Variants in KLHL29 observed in about 807,000 individuals in gnomAD.
The protein encoded by KLHL29 is kelch like family member 29.
Under a neutral mutation model 80.4 loss-of-function variants are expected in KLHL29, and 21 were observed. The observed-to-expected ratio is 0.26, with a 90% CI of 0.19 to 0.38. The LOEUF (loss-of-function observed/expected upper bound fraction) is 0.38, where lower values mean the gene tolerates loss of function less well. Ranked by LOEUF, KLHL29 falls within the 10% of genes least tolerant of loss-of-function variation. The pLI is 1.00. For missense variants in KLHL29, 867 were observed against 1,223.9 expected (o/e 0.71, Z 4.35); for synonymous variants, 511 against 526.8 (o/e 0.97, Z 0.41).
At chr2:23,673,301 G>A (rs1264625086) in intron 5 of KLHL29, among the ~76,000 whole-genome samples, 1 of 144,676 alleles carries the variant, frequency 6.9e-6, no homozygotes, top group East Asian at 2.0e-4. Context: ...GTGCTCACAT[G>A]CACTGTACAC....
intron 3 of KLHL29, among the ~76,000 whole-genome samples, chr2:23,600,179 G>A (rs1017623713): frequency 1.3e-5 from 2 of 152,228 alleles, no homozygotes; most frequent in African/African-American, 4.8e-5. Context: ...ACATAAAAAT[G>A]TAGGCTGGTT....
rs563207001 is a variant in KLHL29, at chr2:23,590,115, G to A, written c.285+27634G>A. Among the ~76,000 whole-genome samples the A allele has an allele frequency of 1.4e-4, 21 of 152,364 alleles. No individual in the cohort carries two copies. The South Asian group carries it at 4.1e-3, about 30-fold the overall frequency. On this transcript the variant is annotated intron_variant, in intron 3 of 13. Coordinates refer to ENST00000486442, the MANE Select transcript of KLHL29 (RefSeq NM_052920.2). Reference sequence around the variant, plus strand: ...AGAGGCCTAGAGAGGGAAGGGAGACGTTCAAGGTCACACAGCATCTATGGA... The same window carrying A: ...AGAGGCCTAGAGAGGGAAGGGAGACATTCAAGGTCACACAGCATCTATGGA...
intron 3 of KLHL29, among the ~76,000 whole-genome samples, chr2:23,608,515 T>C (rs1411144820): frequency 6.6e-6 from 1 of 152,228 alleles, no homozygotes; most frequent in Admixed American, 6.5e-5. Context: ...TTTGTTGTTT[T>C]GTTTTTATTC....
At chr2:23,666,399 G>A (rs554309588) in intron 5 of KLHL29, among the ~76,000 whole-genome samples, 192 of 152,148 alleles carry the variant, frequency 1.3e-3, no homozygotes, top group African/African-American at 4.4e-3. Flanking sequence ...AGGGCAGTGT[G>A]CCCAGCCTCG....
intron 2 of KLHL29, among the ~76,000 whole-genome samples, chr2:23,480,106 A>G (rs143871859): frequency 1.3e-5 from 2 of 152,208 alleles, no homozygotes; most frequent in African/African-American, 4.8e-5. Flanking sequence ...CCCATTTCTC[A>G]GGACCTTGAA....
rs993266464 is a variant in KLHL29 at position 23,446,827 on chromosome 2, A to G, written c.-153-28733A>G. Among the ~76,000 whole-genome samples, 6 of 152,172 alleles carry G rather than the reference A, an allele frequency of 3.9e-5. No homozygotes were observed. In the South Asian group the frequency reaches 1.2e-3, roughly 32 times the overall value. ...CAGTTCTGGAGTATATATTGTCGAA[A>G]GAGGAGGGAAGGAAGGAAGGGAATC... is the stretch of plus-strand genomic sequence containing the variant. On this transcript the variant is annotated intron_variant, in intron 1 of 13. Coordinates refer to ENST00000486442, the MANE Select transcript of KLHL29 (RefSeq NM_052920.2).
At chr2:23,519,687 G>A (rs1439467448) in intron 2 of KLHL29, among the ~76,000 whole-genome samples, 1 of 152,194 alleles carries the variant, frequency 6.6e-6, no homozygotes, top group African/African-American at 2.4e-5. Flanking sequence ...TCCCAAGGTG[G>A]TCGGGGGACA....
At chr2:23,551,579 T>A (rs1235503681) in intron 2 of KLHL29, among the ~76,000 whole-genome samples, 1 of 152,234 alleles carries the variant, frequency 6.6e-6, no homozygotes, top group Non-Finnish European at 1.5e-5. Context: ...TTTTGAACAT[T>A]TGTCTTTTTA....
Position 23,624,617 on chromosome 2 carries a change from C to T in KLHL29, c.286-14522C>T, listed in dbSNP as rs1370640690. Among the ~76,000 whole-genome samples, 3 of 152,180 alleles carry T rather than the reference C, an allele frequency of 2.0e-5. No individual in the cohort carries two copies. In the East Asian group the frequency reaches 5.8e-4, roughly 29 times the overall value. ...GCTACACTTCCCATAGATGTGGTTTCGAATTAGGATCCAGCCTGCTTTCCA... is the reference window on the plus strand; with the variant it reads ...GCTACACTTCCCATAGATGTGGTTTTGAATTAGGATCCAGCCTGCTTTCCA... On this transcript the variant is annotated intron_variant, in intron 3 of 13. Coordinates refer to ENST00000486442, the MANE Select transcript of KLHL29 (RefSeq NM_052920.2).
intron 1 of KLHL29, among the ~76,000 whole-genome samples, chr2:23,472,615 C>T (rs993105990): frequency 3.9e-5 from 6 of 152,166 alleles, no homozygotes. Context: ...GCCTGGGCAA[C>T]AGAGTGAGAC....
At chr2:23,402,131 G>A (rs1318757662) in intron 1 of KLHL29, among the ~76,000 whole-genome samples, 1 of 152,190 alleles carries the variant, frequency 6.6e-6, no homozygotes, top group Non-Finnish European at 1.5e-5. Context: ...GCCCAGACGT[G>A]GGAAGAGCAT....
At chr2:23,464,280 C>A (rs931577036) in intron 1 of KLHL29, among the ~76,000 whole-genome samples, 1 of 152,140 alleles carries the variant, frequency 6.6e-6, no homozygotes, top group Non-Finnish European at 1.5e-5. Flanking sequence ...TCTCTGCAAG[C>A]CCGGAGCCCC....
intron 1 of KLHL29, among the ~76,000 whole-genome samples, chr2:23,407,175 ATAAC>A (rs1462737905): frequency 6.6e-6 from 1 of 152,216 alleles, no homozygotes; most frequent in Non-Finnish European, 1.5e-5. Flanking sequence ...GCTACTATAA[ATAAC>A]GTTGCAATGA....
intron 1 of KLHL29, among the ~76,000 whole-genome samples, chr2:23,443,449 A>G (rs1203191659): frequency 1.3e-5 from 2 of 152,208 alleles, no homozygotes; most frequent in South Asian, 4.1e-4. Context: ...TGTTACATTT[A>G]GTTATTGTCC....
chr2:23,480,982 A>G (rs1004325082), intron 2 of KLHL29, among the ~76,000 whole-genome samples: 6 of 152,212 alleles, frequency 3.9e-5, no homozygotes, highest in South Asian at 2.1e-4. Context: ...AGCCACTGTC[A>G]TAGGATCTCA....
chr2:23,590,164 T>A (rs997258546), intron 3 of KLHL29, among the ~76,000 whole-genome samples: 2 of 152,242 alleles, frequency 1.3e-5, no homozygotes, highest in Non-Finnish European at 2.9e-5. Flanking sequence ...TGGCTGGGCT[T>A]CCTGGCCCCA....
intron 8 of KLHL29, among the ~76,000 whole-genome samples, chr2:23,694,681 T>C (rs751720988): frequency 2.0e-5 from 3 of 151,980 alleles, no homozygotes; most frequent in Non-Finnish European, 4.4e-5. Flanking sequence ...CCCAGACAAT[T>C]CTCCAGACAC....
chr2:23,426,631 A>G lies in KLHL29; in HGVS notation c.-154+40851A>G, dbSNP rs376016146. ...CTGCCCTGGCTCACACATACTTTTCATGTACTTTTGGCATCTGAGTCACGT... is the reference window on the plus strand; with the variant it reads ...CTGCCCTGGCTCACACATACTTTTCGTGTACTTTTGGCATCTGAGTCACGT... On this transcript the variant is annotated intron_variant, in intron 1 of 13. Transcript: ENST00000486442. Among the ~76,000 whole-genome samples the G allele has an allele frequency of 2.2e-4, 33 of 152,314 alleles. No individual in the cohort carries two copies. In the East Asian group the frequency reaches 2.9e-3, roughly 13 times the overall value.
At chr2:23,547,515 G>A (rs943922681) in intron 2 of KLHL29, among the ~76,000 whole-genome samples, 2 of 152,084 alleles carry the variant, frequency 1.3e-5, no homozygotes, top group African/African-American at 4.8e-5. Context: ...AAAAGAGCTG[G>A]TGCATGCACA....
Sources: gnomAD v4.1 joint callset for allele counts (sites outside exome capture counted in the v4.1 genomes callset) on GRCh38, gnomAD v4.1.1 for gene constraint, MANE v1.5 for transcripts, NCBI Gene and HGNC (gene_info 2026-07-23, HGNC 2026-07-21) for gene names.